ZYG11A: variants seen among roughly 807,000 people sequenced by gnomAD.
ZYG11A encodes the protein protein zyg-11 homolog A.
In ZYG11A, 62 loss-of-function variants were observed where a neutral mutation model predicts 77.2. The observed-to-expected ratio is 0.80, with a 90% confidence interval of 0.65 to 0.99. The LOEUF (loss-of-function observed/expected upper bound fraction) is 0.99, where lower values mean the gene tolerates loss of function less well. Ranked by LOEUF, ZYG11A falls within the 50% of genes least tolerant of loss-of-function variation. ZYG11A has a pLI of 0.00. For synonymous variants in ZYG11A, 315 were observed against 324.6 expected (o/e 0.97, Z 0.32); for missense variants, 828 against 896.8 (o/e 0.92, Z 0.98).
chr1:52,864,054 A>T lies in ZYG11A; in HGVS notation c.1223A>T (p.Asn408Ile). 2 of 1,551,792 alleles carry T rather than the reference A, an allele frequency of 1.3e-6. No homozygotes were observed. Among genetic ancestry groups the T allele is most frequent in the Non-Finnish European group, 1.7e-6 (2 of 1,147,010 alleles). Residue 408 changes from asparagine to isoleucine, a missense_variant, in exon 5 of 14, where the codon AAC (asparagine) becomes ATC (isoleucine). Physicochemically the swap from Asn to Ile is moderately radical, Grantham distance 149 (BLOSUM62 -3). Transcript: ENST00000371528. Reference sequence around the variant, plus strand: ...TTCACAGCCAGTGCTTGCGCTCTCAACCTAACACGCCAGGGCCTGGCCAAG... The same window carrying T: ...TTCACAGCCAGTGCTTGCGCTCTCATCCTAACACGCCAGGGCCTGGCCAAG... ...VQFTASACAL[N>I]LTRQGLAKGM...
intron 1 of ZYG11A, among the ~76,000 whole-genome samples, chr1:52,845,304 G>A (rs1164039914): frequency 7.5e-6 from 1 of 133,410 alleles, no homozygotes; most frequent in Non-Finnish European, 1.6e-5. Context: ...CTAATGGTCT[G>A]TGCTTTTTTT....
chr1:52,880,330 C>T (rs1488697603), intron 10 of ZYG11A, among the ~76,000 whole-genome samples: 1 of 151,998 alleles, frequency 6.6e-6, no homozygotes, highest in East Asian at 1.9e-4. Context: ...AGTGTGCTTT[C>T]CTGAATGGTT....
intron 10 of ZYG11A, among the ~76,000 whole-genome samples, chr1:52,878,744 ACCTG>A (rs1571873516): frequency 6.6e-6 from 1 of 151,978 alleles, no homozygotes; most frequent in East Asian, 1.9e-4. Context: ...TTCAAGACCA[ACCTG>A]GTCAACATGG....
chr1:52,865,836 C>T (rs1646014910), intron 5 of ZYG11A, among the ~76,000 whole-genome samples: 3 of 151,306 alleles, frequency 2.0e-5, no homozygotes, highest in South Asian at 2.1e-4. Flanking sequence ...ATGGAACTCT[C>T]TGGGGGTGAT....
chr1:52,843,076 G>C (rs1190237852), intron 1 of ZYG11A, 103 bp downstream of exon 1: 1 of 1,018,040 alleles, frequency 9.8e-7, no homozygotes, highest in Non-Finnish European at 1.3e-6. Context: ...TTGCTGGGGA[G>C]TGTGGCCCGC....
intron 8 of ZYG11A, among the ~76,000 whole-genome samples, chr1:52,870,646 G>T (rs1310067800): frequency 1.3e-5 from 2 of 152,250 alleles, no homozygotes; most frequent in East Asian, 1.9e-4. Flanking sequence ...ATCACTCGCG[G>T]TTAGGAGCTG....
At position 52,887,004 on chromosome 1, in the gene ZYG11A, G is replaced by A. The variant is rs2150022458; in HGVS notation, c.2055G>A (p.Glu685=). The A allele has an allele frequency of 6.5e-7, 1 of 1,550,294 alleles. No homozygotes were observed. Among genetic ancestry groups the A allele is most frequent in the South Asian group, 1.2e-5 (1 of 83,970 alleles). ...TCCTTGGCAACTTCTCTCAACCAGA[G>A]GTTCAGCTCTGGGCACTATGGGCTA... ...FPLLGNFSQP[E]VQLWALWAMY... is the part of the protein sequence containing the mutation. The change falls in exon 13 of 14, where the codon GAG becomes GAA. Residue 685 remains glutamate, a synonymous_variant. Coordinates refer to ENST00000371528, the MANE Select transcript of ZYG11A (RefSeq NM_001004339.3).
chr1:52,867,829 G>T, intron 8 of ZYG11A, 52 bp downstream of exon 8: 1 of 1,427,516 alleles, frequency 7.0e-7, no homozygotes, highest in South Asian at 1.3e-5. Flanking sequence ...TCAAATTTAT[G>T]ATTATAGCTT....
intron 5 of ZYG11A, among the ~76,000 whole-genome samples, chr1:52,866,227 G>A (rs1646024626): frequency 1.3e-5 from 2 of 152,086 alleles, no homozygotes; most frequent in African/African-American, 2.4e-5. Context: ...ATGAGCCACC[G>A]CACCCGGCCA....
chr1:52,867,196 T>A (rs1277121814), intron 6 of ZYG11A, among the ~76,000 whole-genome samples: 1 of 152,204 alleles, frequency 6.6e-6, no homozygotes, highest in African/African-American at 2.4e-5. Context: ...GCTGCAGCAT[T>A]TTAGCATTGT....
chr1:52,867,684 T>TA, intron 7 of ZYG11A, 43 bp from the exon 8 acceptor site: 1 of 1,550,978 alleles, frequency 6.4e-7, no homozygotes, highest in South Asian at 1.2e-5. Flanking sequence ...CTAGTTTTTA[T>TA]ACAGGTTCCA....
chr1:52,881,449 C>T, intron 10 of ZYG11A, 22 bp from the exon 11 acceptor site: 2 of 1,510,248 alleles, frequency 1.3e-6, no homozygotes, highest in Non-Finnish European at 1.8e-6. Flanking sequence ...CTCTGGGGTT[C>T]TCTGCTCCAT....
chr1:52,876,632 T>C (rs970787494), intron 8 of ZYG11A, among the ~76,000 whole-genome samples: 5 of 152,172 alleles, frequency 3.3e-5, no homozygotes, highest in Non-Finnish European at 7.3e-5. Flanking sequence ...CTTCCCCTGC[T>C]CCTGGCCTTG....
intron 8 of ZYG11A, among the ~76,000 whole-genome samples, chr1:52,877,356 C>G (rs1361103644): frequency 6.6e-5 from 10 of 151,818 alleles, no homozygotes; most frequent in Admixed American, 6.6e-4. Context: ...ACCCTTTTTT[C>G]TTTCTTTTGT....
intron 6 of ZYG11A, among the ~76,000 whole-genome samples, chr1:52,867,290 T>A (rs1374570983): frequency 6.6e-6 from 1 of 152,234 alleles, no homozygotes; most frequent in African/African-American, 2.4e-5. Context: ...GAATGATAAA[T>A]ACATTTTTTC....
At chr1:52,877,869 T>A in intron 9 of ZYG11A, 26 bp downstream of exon 9, 1 of 1,550,974 alleles carries the variant, frequency 6.4e-7, no homozygotes, top group Non-Finnish European at 8.7e-7. Context: ...TGAGTTTATA[T>A]GTAAAGTTCT....
intron 13 of ZYG11A, among the ~76,000 whole-genome samples, chr1:52,889,079 A>G (rs905967837): frequency 3.3e-5 from 5 of 152,214 alleles, no homozygotes; most frequent in Non-Finnish European, 7.3e-5. Context: ...TAATCTTCAC[A>G]ACAACTAGAA....
rs556115728 is a variant in ZYG11A, at chr1:52,861,939, T to C, written c.1149+1068T>C. 1.8e-4 allele frequency among the ~76,000 whole-genome samples: 27 copies of C among 152,200 alleles called. 1 individual carries two copies. The South Asian group carries it at 5.4e-3, about 30-fold the overall frequency. ...AAAATTAGCTTCTGGCTGGGCACCATGGCTCACGCCTGTAATCCCAGCACT... is the reference window on the plus strand; with the variant it reads ...AAAATTAGCTTCTGGCTGGGCACCACGGCTCACGCCTGTAATCCCAGCACT... On this transcript the variant is annotated intron_variant, in intron 4 of 13. Coordinates refer to ENST00000371528, the MANE Select transcript of ZYG11A (RefSeq NM_001004339.3).
chr1:52,884,192 T>A (rs1280792914), intron 11 of ZYG11A, among the ~76,000 whole-genome samples: 13 of 145,262 alleles, frequency 8.9e-5, no homozygotes, highest in African/African-American at 3.0e-4. Context: ...TAAATAAAAT[T>A]AAAAAAAAAA....
Sources: gnomAD v4.1 joint callset for allele counts (sites outside exome capture counted in the v4.1 genomes callset) on GRCh38, gnomAD v4.1.1 for gene constraint, MANE v1.5 for transcripts, NCBI Gene and HGNC (gene_info 2026-07-23, HGNC 2026-07-21) for gene names.